LARP4B: variants seen among roughly 807,000 people sequenced by gnomAD.
LARP4B encodes the protein La ribonucleoprotein 4B.
A neutral mutation model predicts 89.8 loss-of-function variants in LARP4B; 12 were observed. That is an observed-to-expected ratio of 0.13 (90% CI 0.09 to 0.22). The LOEUF (loss-of-function observed/expected upper bound fraction) is 0.22. Ranked by LOEUF, LARP4B falls within the 10% of genes least tolerant of loss-of-function variation. LARP4B has a pLI of 1.00. For synonymous variants in LARP4B, 367 were observed against 363.3 expected, an observed-to-expected ratio of 1.01 and a Z score of -0.12; for missense variants, 757 against 947.7, an observed-to-expected ratio of 0.80 and a Z score of 2.64.
At chr10:949,057 G>A in the LARP4B span, among the ~76,000 whole-genome samples, 1 of 152,366 alleles carries the variant, frequency 6.6e-6, no homozygotes, top group African/African-American at 2.4e-5. Context: ...TGCATGTTTA[G>A]TTTGTTAAGA....
chr10:815,778 C>T (rs920087084), intron 15 of LARP4B: 3 of 152,230 alleles, frequency 2.0e-5, no homozygotes, highest in Admixed American at 6.5e-5. Flanking sequence ...GGCAGGTGCT[C>T]TTTACACTTC....
intron 3 of LARP4B, among the ~76,000 whole-genome samples, chr10:881,324 G>A (rs1164813463): frequency 3.3e-5 from 5 of 152,086 alleles, no homozygotes; most frequent in African/African-American, 4.8e-5. Flanking sequence ...GAATGTCACC[G>A]TCTAAGTTGT....
the LARP4B span, among the ~76,000 whole-genome samples, chr10:973,738 T>C: frequency 6.6e-6 from 1 of 152,150 alleles, no homozygotes; most frequent in Non-Finnish European, 1.5e-5. Flanking sequence ...AGTATTGTCA[T>C]TTGCATGCTG....
intron 3 of LARP4B, among the ~76,000 whole-genome samples, chr10:881,018 C>T (rs1193081095): frequency 3.3e-5 from 5 of 152,222 alleles, no homozygotes; most frequent in East Asian, 3.9e-4. Flanking sequence ...CTTGGCTGGT[C>T]GCACACAGGA....
At chr10:962,015 G>A in the LARP4B span, among the ~76,000 whole-genome samples, 4 of 152,144 alleles carry the variant, frequency 2.6e-5, no homozygotes, top group East Asian at 3.9e-4. Context: ...ATCCTAGGCC[G>A]GACATGGTGG....
chr10:845,072 A>T lies in LARP4B; in HGVS notation c.431-17T>A. 6.3e-7 allele frequency: 1 copy of T among 1,591,456 alleles called. No homozygotes were observed. Among genetic ancestry groups the T allele is most frequent in the Non-Finnish European group, 8.6e-7 (1 of 1,167,344 alleles). ...CATTTCCTCCTACATAAAAGTAATAATCAACTTAGGAAAACCGGCTTAAAA... is the reference window on the plus strand; with the variant it reads ...CATTTCCTCCTACATAAAAGTAATATTCAACTTAGGAAAACCGGCTTAAAA... On this transcript the variant is annotated splice_polypyrimidine_tract_variant and intron_variant, in intron 5 of 17. Coordinates refer to ENST00000316157, the MANE Select transcript of LARP4B (RefSeq NM_015155.3).
At chr10:930,785 G>A (rs1837277355) in intron 1 of LARP4B, among the ~76,000 whole-genome samples, 1 of 152,134 alleles carries the variant, frequency 6.6e-6, no homozygotes, top group Admixed American at 6.5e-5. Flanking sequence ...CACACACCGA[G>A]CAACAGGATC....
the LARP4B span, among the ~76,000 whole-genome samples, chr10:941,630 T>C: frequency 2.0e-5 from 3 of 152,374 alleles, no homozygotes; most frequent in South Asian, 6.2e-4. Flanking sequence ...CTGATCTTGC[T>C]TTTTAAGCGA....
At chr10:950,824 G>C in the LARP4B span, among the ~76,000 whole-genome samples, 11 of 149,762 alleles carry the variant, frequency 7.3e-5, no homozygotes, top group African/African-American at 2.5e-4. Context: ...ATTGAATTTT[G>C]TATGTTTGTC....
At chr10:946,482 T>G in the LARP4B span, among the ~76,000 whole-genome samples, 2 of 152,252 alleles carry the variant, frequency 1.3e-5, no homozygotes, top group Non-Finnish European at 1.5e-5. Context: ...CTTTCCTGAT[T>G]CACTTTTAGG....
At chr10:916,138 C>T (rs1588987972) in intron 1 of LARP4B, among the ~76,000 whole-genome samples, 1 of 152,228 alleles carries the variant, frequency 6.6e-6, no homozygotes, top group African/African-American at 2.4e-5. Flanking sequence ...TGTGTTCCAA[C>T]GTTACATGAG....
intron 1 of LARP4B, among the ~76,000 whole-genome samples, chr10:901,016 T>C (rs896771053): frequency 3.3e-5 from 5 of 149,438 alleles, no homozygotes; most frequent in African/African-American, 5.0e-5. Flanking sequence ...GCCTCCTGGG[T>C]TCAAGCGATT....
chr10:845,607 G>C (rs986529929), intron 5 of LARP4B, among the ~76,000 whole-genome samples: 1 of 152,162 alleles, frequency 6.6e-6, no homozygotes, highest in East Asian at 1.9e-4. Context: ...AAATAAACCA[G>C]ATCTTCAAGA....
At chr10:935,118 A>G (rs532031500), upstream of LARP4B, among the ~76,000 whole-genome samples, 1 of 152,148 alleles carries the variant, frequency 6.6e-6, no homozygotes, top group African/African-American at 2.4e-5. Flanking sequence ...TTACCTTCCA[A>G]TCACACTCAC....
the LARP4B span, among the ~76,000 whole-genome samples, chr10:950,878 G>A: frequency 8.3e-3 from 1,262 of 151,406 alleles, 21 homozygotes; most frequent in African/African-American, 0.028. Context: ...AGTTGTAGGA[G>A]GGTTTTTTTT....
chr10:976,436 C>T, the LARP4B span, among the ~76,000 whole-genome samples: 1 of 144,658 alleles, frequency 6.9e-6, no homozygotes, highest in Non-Finnish European at 1.5e-5. Flanking sequence ...AGGCCTGCCG[C>T]GTAATGTGCG....
chr10:872,319 GT>G (rs1835253013), intron 3 of LARP4B, among the ~76,000 whole-genome samples: 1 of 152,222 alleles, frequency 6.6e-6, no homozygotes. Context: ...CAAGGCGAGA[GT>G]TCTTCCTGCC....
At chr10:887,026 G>A (rs1218839456) in intron 1 of LARP4B, among the ~76,000 whole-genome samples, 1 of 152,130 alleles carries the variant, frequency 6.6e-6, no homozygotes, top group African/African-American at 2.4e-5. Flanking sequence ...AGCAGGGGTT[G>A]CAGTGAGCTG....
At chr10:881,545 GT>G (rs1443316197) in intron 3 of LARP4B, among the ~76,000 whole-genome samples, 1 of 152,108 alleles carries the variant, frequency 6.6e-6, no homozygotes, top group Non-Finnish European at 1.5e-5. Context: ...ATTCCTTCCT[GT>G]TTCTGATATA....
Sources: allele counts gnomAD v4.1 joint callset (sites outside exome capture counted in the v4.1 genomes callset), GRCh38; gene constraint gnomAD v4.1.1; transcripts MANE v1.5; gene names NCBI Gene and HGNC (gene_info 2026-07-23, HGNC 2026-07-21).